Variants in MKLN1 observed in about 807,000 individuals in gnomAD.
MKLN1 encodes muskelin.
A neutral mutation model predicts 99.0 loss-of-function variants in MKLN1; 18 were observed. That is an observed-to-expected ratio of 0.18 (90% CI 0.13 to 0.27). The LOEUF (loss-of-function observed/expected upper bound fraction) is 0.27. Ranked by LOEUF, MKLN1 falls within the 10% of genes least tolerant of loss-of-function variation. The pLI is 1.00. For synonymous variants in MKLN1, 288 were observed against 293.2 expected, an observed-to-expected ratio of 0.98 and a Z score of 0.18; for missense variants, 621 against 875.9, an observed-to-expected ratio of 0.71 and a Z score of 3.67.
intron 1 of MKLN1, among the ~76,000 whole-genome samples, chr7:131,110,713 C>T (rs1458119350): frequency 6.6e-6 from 1 of 152,200 alleles, no homozygotes; most frequent in African/African-American, 2.4e-5. Flanking sequence ...GAACTTCATT[C>T]CCCTCACCAT....
chr7:131,348,762 A>T (rs536652928), intron 1 of MKLN1, among the ~76,000 whole-genome samples: 1 of 152,154 alleles, frequency 6.6e-6, no homozygotes, highest in African/African-American at 2.4e-5. Context: ...TTATTGTATT[A>T]TACTGTGGCA....
At chr7:131,430,185 A>G (rs1795482314) in intron 9 of MKLN1, among the ~76,000 whole-genome samples, 1 of 152,050 alleles carries the variant, frequency 6.6e-6, no homozygotes, top group Non-Finnish European at 1.5e-5. Flanking sequence ...TTCATAACCC[A>G]CTGATTTTGA....
In MKLN1 at chr7:131,123,095, A is replaced by T. The variant is rs1156814373; in HGVS notation, c.-419+12888A>T. Among the ~76,000 whole-genome samples the T allele has an allele frequency of 3.3e-5, 5 of 151,580 alleles. No homozygotes were observed. In the East Asian group the frequency reaches 9.7e-4, roughly 30 times the overall value. On this transcript the variant is annotated intron_variant, in intron 1 of 7. Coordinates refer to the MKLN1 transcript ENST00000416992. The stretch of plus-strand genomic sequence containing the variant: ...GCTGTACAGAATATCAAAGAAGGAC[A>T]TGTTTGACTCTGTTCTAAGAACGTG...
intron 3 of MKLN1, among the ~76,000 whole-genome samples, chr7:131,274,698 T>G (rs1797934938): frequency 6.6e-6 from 1 of 150,386 alleles, no homozygotes; most frequent in Non-Finnish European, 1.5e-5. Context: ...CAGTCCCTGA[T>G]GAGTGTCTTG....
At chr7:131,198,906 A>AG (rs11388311) in intron 2 of MKLN1, among the ~76,000 whole-genome samples, 14,596 of 152,218 alleles carry the variant, frequency 0.096, 849 homozygotes, top group Admixed American at 0.15. Context: ...AATTTTAAAA[A>AG]CAACTTACTC....
chr7:131,281,929 T>G (rs1412638494), intron 3 of MKLN1, among the ~76,000 whole-genome samples: 1 of 152,086 alleles, frequency 6.6e-6, no homozygotes, highest in Non-Finnish European at 1.5e-5. Flanking sequence ...CACCTCAGCC[T>G]CCCAGAGTGC....
chr7:131,264,179 A>C (rs1797774567), intron 3 of MKLN1, among the ~76,000 whole-genome samples: 1 of 152,146 alleles, frequency 6.6e-6, no homozygotes, highest in Non-Finnish European at 1.5e-5. Context: ...TCTTTTTGCT[A>C]ACACTTACTA....
intron 3 of MKLN1, among the ~76,000 whole-genome samples, chr7:131,240,448 A>G (rs1016526056): frequency 2.6e-5 from 4 of 152,030 alleles, no homozygotes; most frequent in Admixed American, 2.6e-4. Context: ...CTCAATAACT[A>G]TCATGCAAAC....
At chr7:131,355,651 C>CTTTAAG (rs1799853121) in intron 1 of MKLN1, among the ~76,000 whole-genome samples, 1 of 118,094 alleles carries the variant, frequency 8.5e-6, no homozygotes, top group Non-Finnish European at 1.7e-5. Flanking sequence ...TATATATATG[C>CTTTAAG]TTTAAGTTCT....
intron 3 of MKLN1, among the ~76,000 whole-genome samples, chr7:131,205,778 T>C (rs1863010): frequency 0.46 from 70,497 of 151,888 alleles, 17,091 homozygotes; most frequent in South Asian, 0.61. Flanking sequence ...CTTGCATGTT[T>C]TCCTTCTCAT....
intron 8 of MKLN1, among the ~76,000 whole-genome samples, chr7:131,427,183 C>T (rs757029317): frequency 6.6e-6 from 1 of 152,078 alleles, no homozygotes; most frequent in African/African-American, 2.4e-5. Context: ...TTTTTATTTC[C>T]CGTGGTATTT....
At chr7:131,343,476 T>G (rs1799468523) in intron 1 of MKLN1, among the ~76,000 whole-genome samples, 1 of 152,200 alleles carries the variant, frequency 6.6e-6, no homozygotes, top group South Asian at 2.1e-4. Flanking sequence ...CACTATTGTA[T>G]TTATTGAAGG....
intron 17 of MKLN1, among the ~76,000 whole-genome samples, chr7:131,486,171 G>A (rs544927266): frequency 1.1e-3 from 164 of 151,614 alleles, no homozygotes; most frequent in Non-Finnish European, 1.6e-3. Context: ...GGCTATATGG[G>A]GTGTTCATTG....
chr7:131,238,339 T>C (rs765606943), intron 3 of MKLN1, among the ~76,000 whole-genome samples: 1 of 152,220 alleles, frequency 6.6e-6, no homozygotes, highest in African/African-American at 2.4e-5. Flanking sequence ...ATTAATTCTT[T>C]GCCTCAGGAG....
chr7:131,211,587 A>G (rs1013250031), intron 3 of MKLN1, among the ~76,000 whole-genome samples: 2 of 146,076 alleles, frequency 1.4e-5, no homozygotes, highest in African/African-American at 5.0e-5. Flanking sequence ...GTAATTTATT[A>G]CAACCAACCC....
intron 12 of MKLN1, among the ~76,000 whole-genome samples, chr7:131,459,808 G>T (rs1232871490): frequency 6.6e-6 from 1 of 151,312 alleles, no homozygotes; most frequent in Admixed American, 6.6e-5. Flanking sequence ...GCTTGCAGTG[G>T]GCTCTCTCAA....
intron 3 of MKLN1, among the ~76,000 whole-genome samples, chr7:131,265,220 A>G (rs759118129): frequency 7.2e-5 from 11 of 152,136 alleles, no homozygotes; most frequent in African/African-American, 1.2e-4. Context: ...ATGCTTCAAC[A>G]ATAGCCCTCC....
intron 1 of MKLN1, among the ~76,000 whole-genome samples, chr7:131,339,189 G>A (rs1419660678): frequency 1.3e-5 from 2 of 152,170 alleles, no homozygotes; most frequent in Non-Finnish European, 1.5e-5. Context: ...TTTTTCAACT[G>A]CATGGGAGTT....
chr7:131,347,298 AT>A (rs1329213966), intron 1 of MKLN1, among the ~76,000 whole-genome samples: 3 of 152,214 alleles, frequency 2.0e-5, no homozygotes, highest in Non-Finnish European at 4.4e-5. Flanking sequence ...AGTATCCATA[AT>A]TAGTCTGCAT....
Sources: allele counts gnomAD v4.1 joint callset (sites outside exome capture counted in the v4.1 genomes callset), GRCh38; gene constraint gnomAD v4.1.1; transcripts MANE v1.5; gene names NCBI Gene and HGNC (gene_info 2026-07-23, HGNC 2026-07-21).